Variants in PDGFD observed in about 807,000 individuals in gnomAD.
PDGFD encodes platelet derived growth factor D, also known as platelet-derived growth factor D.
Under a neutral mutation model 44.7 loss-of-function variants are expected in PDGFD, and 30 were observed. The observed-to-expected ratio is 0.67, with a 90% confidence interval of 0.50 to 0.91. The LOEUF (loss-of-function observed/expected upper bound fraction) is 0.91, where lower values mean the gene tolerates loss of function less well. Among genes scored for constraint, PDGFD ranks in the 40% least tolerant of loss-of-function variants. The pLI is 0.00. For missense variants in PDGFD, 445 were observed against 457.8 expected, an observed-to-expected ratio of 0.97 and a Z score of 0.25; for synonymous variants, 173 against 168.4, an observed-to-expected ratio of 1.03 and a Z score of -0.21.
At chr11:103,969,738 T>G (rs1859076394) in intron 3 of PDGFD, among the ~76,000 whole-genome samples, 1 of 151,974 alleles carries the variant, frequency 6.6e-6, no homozygotes, top group South Asian at 2.1e-4. Flanking sequence ...ACTACCCATA[T>G]TTGGCTTAAT....
chr11:104,006,489 G>A (rs187067447), intron 1 of PDGFD, among the ~76,000 whole-genome samples: 2 of 152,130 alleles, frequency 1.3e-5, no homozygotes, highest in East Asian at 1.9e-4. Context: ...GTAGTTCCCC[G>A]GCAAAGGCCC....
chr11:103,926,860 T>A (rs1052552391), intron 6 of PDGFD, 52 bp downstream of exon 6: 8 of 1,545,302 alleles, frequency 5.2e-6, no homozygotes, highest in Admixed American at 1.9e-5. Context: ...GGCCCTGTCT[T>A]CCTGAATCCT....
In PDGFD at chr11:103,943,653, A is replaced by T; in HGVS notation, c.574-3T>A. The T allele has an allele frequency of 6.2e-7, 1 of 1,610,662 alleles. No individual in the cohort carries two copies. Among genetic ancestry groups the T allele is most frequent in the East Asian group, 2.2e-5 (1 of 44,826 alleles). ...GATGGAGAGTTATAGGATACCCCCT[A>T]AGAGTGACATACAGCTCAGTGTACT... On this transcript the variant is annotated splice_polypyrimidine_tract_variant and splice_region_variant and intron_variant, in intron 4 of 6. Coordinates refer to ENST00000393158, the MANE Select transcript of PDGFD (RefSeq NM_025208.5).
At chr11:104,162,160 A>G (rs1332109546) in intron 1 of PDGFD, among the ~76,000 whole-genome samples, 1 of 152,034 alleles carries the variant, frequency 6.6e-6, no homozygotes, top group Non-Finnish European at 1.5e-5. Context: ...AAAAAAAAAA[A>G]AACCTGCTGA....
intron 3 of PDGFD, among the ~76,000 whole-genome samples, chr11:103,978,759 G>T (rs896478153): frequency 6.6e-6 from 1 of 152,030 alleles, no homozygotes; most frequent in African/African-American, 2.4e-5. Context: ...TAACTGTCTT[G>T]TACCCCTGTA....
intron 1 of PDGFD, among the ~76,000 whole-genome samples, chr11:104,036,158 A>C (rs547689638): frequency 1.2e-4 from 18 of 152,242 alleles, no homozygotes; most frequent in East Asian, 3.9e-4. Flanking sequence ...GTGTTGAAAA[A>C]CTAGGCATGG....
At chr11:104,101,284 C>G (rs1483165030) in intron 1 of PDGFD, among the ~76,000 whole-genome samples, 1 of 152,070 alleles carries the variant, frequency 6.6e-6, no homozygotes, top group African/African-American at 2.4e-5. Context: ...GTGCAAAAAT[C>G]ACAAGCATTT....
At chr11:104,013,794 T>C (rs1859820959) in intron 1 of PDGFD, among the ~76,000 whole-genome samples, 4 of 151,934 alleles carry the variant, frequency 2.6e-5, no homozygotes, top group Admixed American at 2.6e-4. Flanking sequence ...GTTATTATTA[T>C]AAATCATTGC....
chr11:104,148,333 A>G (rs964662981), intron 1 of PDGFD, among the ~76,000 whole-genome samples: 1 of 152,202 alleles, frequency 6.6e-6, no homozygotes, highest in Non-Finnish European at 1.5e-5. Flanking sequence ...AAATAGACCA[A>G]TGATAATATG....
intron 3 of PDGFD, among the ~76,000 whole-genome samples, chr11:103,986,822 T>C (rs919523236): frequency 6.6e-6 from 1 of 152,222 alleles, no homozygotes; most frequent in Non-Finnish European, 1.5e-5. Context: ...AGCTGGAGGC[T>C]GCAAGATTCT....
chr11:104,102,863 G>C (rs1422158187), intron 1 of PDGFD, among the ~76,000 whole-genome samples: 2 of 152,132 alleles, frequency 1.3e-5, no homozygotes, highest in South Asian at 4.1e-4. Flanking sequence ...TCAGTCATAG[G>C]TGAGAAATGA....
intron 1 of PDGFD, among the ~76,000 whole-genome samples, chr11:104,099,132 A>G (rs1352037498): frequency 6.6e-6 from 1 of 152,152 alleles, no homozygotes; most frequent in Non-Finnish European, 1.5e-5. Flanking sequence ...AAGGAGCTCA[A>G]TTAATTTGAG....
intron 5 of PDGFD, among the ~76,000 whole-genome samples, chr11:103,939,406 G>T (rs1023746260): frequency 1.3e-5 from 2 of 152,114 alleles, no homozygotes; most frequent in Non-Finnish European, 2.9e-5. Context: ...CATTGATTTT[G>T]TATCCTGAGA....
chr11:104,001,989 T>C (rs767956235), intron 1 of PDGFD, among the ~76,000 whole-genome samples: 1 of 152,184 alleles, frequency 6.6e-6, no homozygotes, highest in Non-Finnish European at 1.5e-5. Flanking sequence ...TCAGCTAGAC[T>C]TTGTGTGGGA....
chr11:104,119,801 A>G (rs1270791566), intron 1 of PDGFD, among the ~76,000 whole-genome samples: 1 of 116,616 alleles, frequency 8.6e-6, no homozygotes, highest in Non-Finnish European at 1.6e-5. Flanking sequence ...ATTATATATT[A>G]TATATAATAT....
At position 104,098,505 on chromosome 11, in the gene PDGFD, C is replaced by CT. The variant is rs1283536881; in HGVS notation, c.124+65298dup. On this transcript the variant is annotated intron_variant, in intron 1 of 6. Transcript: ENST00000393158. ...GAGGGGAAATATTTTCCTTCTGTTT[C>CT]TCTTTTTTTTTTTTTTTGAGACAGG... Among the ~76,000 whole-genome samples the CT allele has an allele frequency of 6.6e-5, 3 of 45,644 alleles. No individual in the cohort carries two copies. In the East Asian group the frequency reaches 3.5e-3, roughly 53 times the overall value. The allele number at this position is 45,644 out of a possible 152,430, so 29.9% of individuals were successfully genotyped here.
intron 1 of PDGFD, among the ~76,000 whole-genome samples, chr11:104,064,200 A>C (rs1419439318): frequency 6.6e-6 from 1 of 152,228 alleles, no homozygotes; most frequent in African/African-American, 2.4e-5. Context: ...TTTCTCATTG[A>C]GCATAAACAC....
At chr11:104,020,387 A>G (rs1444520031) in intron 1 of PDGFD, among the ~76,000 whole-genome samples, 1 of 152,182 alleles carries the variant, frequency 6.6e-6, no homozygotes, top group Non-Finnish European at 1.5e-5. Flanking sequence ...AAGCTATTAC[A>G]AATGATTTAT....
At chr11:104,019,714 A>G (rs919917920) in intron 1 of PDGFD, among the ~76,000 whole-genome samples, 25 of 152,164 alleles carry the variant, frequency 1.6e-4, no homozygotes, top group African/African-American at 6.0e-4. Flanking sequence ...AAAGATTATC[A>G]TGTATAATTA....
Sources: allele counts gnomAD v4.1 joint callset (sites outside exome capture counted in the v4.1 genomes callset), GRCh38; gene constraint gnomAD v4.1.1; transcripts MANE v1.5; gene names NCBI Gene and HGNC (gene_info 2026-07-23, HGNC 2026-07-21).